Variants in DKK2 observed in about 807,000 individuals in gnomAD.
DKK2 encodes dickkopf Wnt signaling pathway inhibitor 2.
A neutral mutation model predicts 28.1 loss-of-function variants in DKK2; 11 were observed. The observed-to-expected ratio is 0.39, with a 90% confidence interval of 0.25 to 0.65. The LOEUF (loss-of-function observed/expected upper bound fraction) is 0.65, where lower values mean the gene tolerates loss of function less well. DKK2 is among the 30% of genes least tolerant of loss of function. The pLI is 0.47. For synonymous variants in DKK2, 135 were observed against 126.5 expected (o/e 1.07, Z -0.45); for missense variants, 326 against 335.5 (o/e 0.97, Z 0.22).
At chr4:106,940,255 A>G (rs1306869100) in intron 1 of DKK2, among the ~76,000 whole-genome samples, 7 of 152,228 alleles carry the variant, frequency 4.6e-5, no homozygotes, top group Non-Finnish European at 1.0e-4. Flanking sequence ...ACTCAAACAA[A>G]TTTACAAGAA....
intron 1 of DKK2, among the ~76,000 whole-genome samples, chr4:107,030,232 T>C (rs1438453321): frequency 6.6e-6 from 1 of 152,102 alleles, no homozygotes; most frequent in Non-Finnish European, 1.5e-5. Context: ...ATGCTTTATG[T>C]TTGTCCTAAC....
intron 1 of DKK2, among the ~76,000 whole-genome samples, chr4:106,983,727 T>G (rs1440295453): frequency 6.6e-6 from 1 of 152,210 alleles, no homozygotes; most frequent in Non-Finnish European, 1.5e-5. Flanking sequence ...AGGTCTTATA[T>G]TTCAAATATA....
At chr4:106,955,428 T>C (rs1196139470) in intron 1 of DKK2, among the ~76,000 whole-genome samples, 3 of 152,176 alleles carry the variant, frequency 2.0e-5, no homozygotes, top group Non-Finnish European at 2.9e-5. Flanking sequence ...TGGGGCATTG[T>C]AGGATTGGCA....
intron 1 of DKK2, among the ~76,000 whole-genome samples, chr4:106,949,701 T>C (rs1294071539): frequency 2.0e-5 from 3 of 152,140 alleles, no homozygotes; most frequent in Non-Finnish European, 1.5e-5. Flanking sequence ...ATAGTCAGTT[T>C]TGGGTTTTTA....
chr4:106,939,797 T>C (rs1474857434), intron 1 of DKK2, among the ~76,000 whole-genome samples: 1 of 152,112 alleles, frequency 6.6e-6, no homozygotes, highest in Non-Finnish European at 1.5e-5. Flanking sequence ...CCCTCAGAAA[T>C]AATGCTGCAT....
At chr4:107,023,486 G>A (rs1255862364) in intron 1 of DKK2, among the ~76,000 whole-genome samples, 2 of 152,028 alleles carry the variant, frequency 1.3e-5, no homozygotes, top group African/African-American at 2.4e-5. Flanking sequence ...TTAGAGAGGA[G>A]GAATGGGTAA....
At position 106,923,953 on chromosome 4, in the gene DKK2, A is replaced by T. The variant is rs746915513; in HGVS notation, c.*1T>A. 1 of 1,613,222 alleles carries T rather than the reference A, an allele frequency of 6.2e-7. No homozygotes were observed. The highest frequency in any genetic ancestry group is 8.5e-7 in the Non-Finnish European group (1 of 1,179,202). ...CAATTGATGATGTTCCTCAATGGTG[A>T]TCAAATTTTCTGACACACATGGAGT... On this transcript the variant is annotated 3_prime_UTR_variant, in exon 4 of 4. Transcript: ENST00000285311.
At chr4:107,031,888 A>G (rs1431386396) in intron 1 of DKK2, among the ~76,000 whole-genome samples, 2 of 151,910 alleles carry the variant, frequency 1.3e-5, no homozygotes, top group East Asian at 1.9e-4. Flanking sequence ...CAACACCTCA[A>G]ACTTTAGAGA....
intron 1 of DKK2, among the ~76,000 whole-genome samples, chr4:106,975,584 C>T (rs4956078): frequency 0.21 from 32,103 of 151,878 alleles, 3,634 homozygotes; most frequent in East Asian, 0.42. Flanking sequence ...TCAGCGGTGA[C>T]ATCCCCTTTA....
At chr4:106,946,169 A>G (rs1673882148) in intron 1 of DKK2, among the ~76,000 whole-genome samples, 3 of 152,164 alleles carry the variant, frequency 2.0e-5, no homozygotes, top group Admixed American at 2.0e-4. Context: ...AATTGTAATC[A>G]CTTGTCTTTG....
At chr4:107,025,556 A>G (rs4956278) in intron 1 of DKK2, among the ~76,000 whole-genome samples, 36,070 of 152,042 alleles carry the variant, frequency 0.24, 4,668 homozygotes, top group East Asian at 0.53. Flanking sequence ...TATCCTAGTT[A>G]GCACTTGGAA....
At chr4:106,988,011 C>T (rs188239566) in intron 1 of DKK2, among the ~76,000 whole-genome samples, 2 of 152,158 alleles carry the variant, frequency 1.3e-5, no homozygotes, top group Admixed American at 1.3e-4. Flanking sequence ...ACTATAGGCA[C>T]CCACCATCAC....
intron 1 of DKK2, among the ~76,000 whole-genome samples, chr4:106,959,725 C>T (rs996271190): frequency 1.1e-4 from 16 of 152,048 alleles, no homozygotes; most frequent in African/African-American, 2.7e-4. Flanking sequence ...GTTCACTCCT[C>T]GTTCATTTAC....
At chr4:106,991,069 C>G (rs1419213572) in intron 1 of DKK2, among the ~76,000 whole-genome samples, 1 of 152,044 alleles carries the variant, frequency 6.6e-6, no homozygotes, top group Non-Finnish European at 1.5e-5. Context: ...TGTCCTTCCT[C>G]TATAAAACTT....
At chr4:106,947,104 G>A (rs148939165) in intron 1 of DKK2, among the ~76,000 whole-genome samples, 3 of 152,204 alleles carry the variant, frequency 2.0e-5, no homozygotes, top group East Asian at 3.9e-4. Context: ...CTTTCAATCC[G>A]TCTTTTCAGG....
intron 1 of DKK2, among the ~76,000 whole-genome samples, chr4:107,028,117 C>T (rs1169520583): frequency 1.3e-5 from 2 of 152,170 alleles, no homozygotes. Context: ...CCACTAATTA[C>T]TTAATTATTT....
intron 1 of DKK2, among the ~76,000 whole-genome samples, chr4:106,974,648 C>A (rs1722916157): frequency 1.3e-5 from 2 of 152,136 alleles, no homozygotes; most frequent in Admixed American, 1.3e-4. Context: ...TGGGCTGAGA[C>A]AATGGGGTGT....
chr4:106,981,840 TATATA>T (rs935683732), intron 1 of DKK2, among the ~76,000 whole-genome samples: 20 of 152,288 alleles, frequency 1.3e-4, no homozygotes, highest in East Asian at 7.7e-4. Context: ...ATATCATACT[TATATA>T]ATATATTTAT....
chr4:106,974,256 G>GT (rs918986213), intron 1 of DKK2, among the ~76,000 whole-genome samples: 3 of 152,068 alleles, frequency 2.0e-5, no homozygotes, highest in South Asian at 2.1e-4. Context: ...AATTAAGGTA[G>GT]TTTTTTTCTA....
Sources: gnomAD v4.1 joint callset for allele counts (sites outside exome capture counted in the v4.1 genomes callset) on GRCh38, gnomAD v4.1.1 for gene constraint, MANE v1.5 for transcripts, NCBI Gene and HGNC (gene_info 2026-07-23, HGNC 2026-07-21) for gene names.